The following NCKAP5 variants were observed in gnomAD, a reference collection of about 807,000 sequenced individuals.
The protein encoded by NCKAP5 is NCK associated protein 5, also known as nck-associated protein 5.
A neutral mutation model predicts 167.0 loss-of-function variants in NCKAP5; 92 were observed. The observed-to-expected ratio is 0.55, with a 90% CI of 0.47 to 0.66. The LOEUF is 0.66. NCKAP5 is among the 30% of genes least tolerant of loss of function. NCKAP5 has a pLI of 0.00. For synonymous variants in NCKAP5, 891 were observed against 877.4 expected (o/e 1.02, Z -0.27); for missense variants, 2,378 against 2,315.0 (o/e 1.03, Z -0.56).
rs192695626 is a variant in NCKAP5, at chr2:133,544,522, A to G, written c.-62+14528T>C. Among the ~76,000 whole-genome samples, 290 of 152,316 alleles carry G rather than the reference A, an allele frequency of 1.9e-3. 1 individual carries two copies. The highest frequency in any genetic ancestry group is 6.5e-3 in the African/African-American group (272 of 41,588). ...AGAGGTCTTTCCATGTCAAGATACCAATAGCTCTTCTTCAATTCTTTAATG... is the reference window on the plus strand; with the variant it reads ...AGAGGTCTTTCCATGTCAAGATACCGATAGCTCTTCTTCAATTCTTTAATG... On this transcript the variant is annotated intron_variant, in intron 2 of 19. Coordinates refer to ENST00000409261, the MANE Select transcript of NCKAP5 (RefSeq NM_207363.3).
chr2:132,783,303 G>C lies in NCKAP5; in HGVS notation c.3508C>G (p.His1170Asp). 6.2e-7 allele frequency: 1 copy of C among 1,613,888 alleles called. No homozygotes were observed. Among genetic ancestry groups the C allele is most frequent in the Non-Finnish European group, 8.5e-7 (1 of 1,179,882 alleles). The change falls in exon 14 of 20, where the codon CAT (histidine) becomes GAT (aspartate). Residue 1170 changes from histidine to aspartate, a missense_variant. Physicochemically the swap from His to Asp is moderately conservative, Grantham distance 81. Coordinates refer to ENST00000409261, the MANE Select transcript of NCKAP5 (RefSeq NM_207363.3). ...LRKSSTVPGKHEKDSLNEASK... is the reference protein window; with the variant it reads ...LRKSSTVPGKDEKDSLNEASK... ...GCTTCATTTAAACTGTCTTTTTCAT[G>C]TTTCCCTGGCACGGTGGAACTTTTC...
intron 5 of NCKAP5, among the ~76,000 whole-genome samples, chr2:133,171,211 C>T (rs1194466903): frequency 1.3e-5 from 2 of 152,044 alleles, no homozygotes; most frequent in Admixed American, 6.6e-5. Context: ...GACATGAAAC[C>T]CACAAAAGGA....
At chr2:133,049,544 CAAAA>C (rs59494014) in intron 6 of NCKAP5, among the ~76,000 whole-genome samples, 1 of 78,294 alleles carries the variant, frequency 1.3e-5, no homozygotes, top group Admixed American at 1.5e-4. Context: ...GACTCTGTCT[CAAAA>C]AAAAAAAAAA....
At chr2:133,148,670 G>T (rs2083284380) in intron 5 of NCKAP5, among the ~76,000 whole-genome samples, 1 of 152,018 alleles carries the variant, frequency 6.6e-6, no homozygotes, top group Admixed American at 6.6e-5. Context: ...TTCCTGGTGA[G>T]GGCTCTCTTC....
chr2:133,311,514 G>A (rs924629674), intron 3 of NCKAP5, among the ~76,000 whole-genome samples: 2 of 152,136 alleles, frequency 1.3e-5, no homozygotes, highest in African/African-American at 4.8e-5. Context: ...ATTGGCCATT[G>A]GTGGTCAACT....
intron 3 of NCKAP5, among the ~76,000 whole-genome samples, chr2:133,464,305 T>C (rs1197668976): frequency 6.6e-6 from 1 of 152,226 alleles, no homozygotes; most frequent in African/African-American, 2.4e-5. Flanking sequence ...CTCTTTGACA[T>C]ATATGAATTG....
At chr2:133,226,588 G>C (rs1169939560) in intron 4 of NCKAP5, among the ~76,000 whole-genome samples, 1 of 123,488 alleles carries the variant, frequency 8.1e-6, no homozygotes. Context: ...TTAAAAAAAG[G>C]GAAAATTTGA....
At chr2:132,694,491 T>G (rs200887721) in intron 19 of NCKAP5, among the ~76,000 whole-genome samples, 2 of 147,290 alleles carry the variant, frequency 1.4e-5, no homozygotes, top group East Asian at 4.1e-4. Context: ...CCCAAGGCTT[T>G]CTTTCTTTAA....
At chr2:132,870,897 G>A (rs1224137863) in intron 9 of NCKAP5, among the ~76,000 whole-genome samples, 1 of 151,792 alleles carries the variant, frequency 6.6e-6, no homozygotes, top group East Asian at 1.9e-4. Context: ...ACCACAAGCA[G>A]TAAAAGACTA....
chr2:133,619,470 G>A, the NCKAP5 span, among the ~76,000 whole-genome samples: 64 of 151,876 alleles, frequency 4.2e-4, no homozygotes, highest in African/African-American at 1.4e-3. Context: ...GCAATAGATC[G>A]AACAAGCAGA....
intron 6 of NCKAP5, among the ~76,000 whole-genome samples, chr2:133,002,081 G>C (rs1443314249): frequency 6.6e-6 from 1 of 152,124 alleles, no homozygotes; most frequent in East Asian, 1.9e-4. Flanking sequence ...TATCTGACGA[G>C]GGGTCCTGGA....
intron 16 of NCKAP5, among the ~76,000 whole-genome samples, chr2:132,746,672 T>C (rs1325475303): frequency 2.6e-5 from 4 of 152,116 alleles, no homozygotes; most frequent in Admixed American, 2.6e-4. Flanking sequence ...TACACAAATG[T>C]TTATAGCAGC....
chr2:133,461,105 A>C (rs1420917575), intron 3 of NCKAP5, among the ~76,000 whole-genome samples: 1 of 152,054 alleles, frequency 6.6e-6, no homozygotes, highest in Non-Finnish European at 1.5e-5. Context: ...AGCCAAAGGG[A>C]GATGGGATGG....
chr2:133,392,576 T>A (rs1029962725), intron 3 of NCKAP5, among the ~76,000 whole-genome samples: 42 of 152,180 alleles, frequency 2.8e-4, no homozygotes, highest in African/African-American at 9.4e-4. Flanking sequence ...GTTTTTGTTG[T>A]TTTTGTCTTT....
chr2:133,465,333 T>C (rs1283956817), intron 3 of NCKAP5, among the ~76,000 whole-genome samples: 2 of 152,112 alleles, frequency 1.3e-5, no homozygotes, highest in African/African-American at 2.4e-5. Flanking sequence ...ACAAAGGACA[T>C]GAACTCATCA....
At chr2:132,921,133 A>C (rs1458794697) in intron 8 of NCKAP5, among the ~76,000 whole-genome samples, 1 of 151,930 alleles carries the variant, frequency 6.6e-6, no homozygotes. Flanking sequence ...TCCTCTCACG[A>C]AGCTTTATCT....
intron 7 of NCKAP5, among the ~76,000 whole-genome samples, chr2:132,984,238 G>T (rs571832608): frequency 9.9e-5 from 15 of 152,118 alleles, no homozygotes; most frequent in Non-Finnish European, 1.9e-4. Flanking sequence ...CCATACTAAG[G>T]CCCAGTCTCA....
At chr2:133,428,986 T>C (rs1689987150) in intron 3 of NCKAP5, among the ~76,000 whole-genome samples, 1 of 152,170 alleles carries the variant, frequency 6.6e-6, no homozygotes, top group South Asian at 2.1e-4. Flanking sequence ...AAAATGTACA[T>C]ATGATTGGAC....
intron 3 of NCKAP5, among the ~76,000 whole-genome samples, chr2:133,414,170 T>C (rs972595051): frequency 1.3e-5 from 2 of 152,188 alleles, no homozygotes; most frequent in Non-Finnish European, 2.9e-5. Context: ...AGTGAGTTCT[T>C]AAAGTCATAA....
Sources: gnomAD v4.1 joint callset for allele counts (sites outside exome capture counted in the v4.1 genomes callset) on GRCh38, gnomAD v4.1.1 for gene constraint, MANE v1.5 for transcripts, NCBI Gene and HGNC (gene_info 2026-07-23, HGNC 2026-07-21) for gene names.